The following CLIP2 variants were observed in gnomAD, a reference collection of about 807,000 sequenced individuals.
The protein encoded by CLIP2 is CAP-Gly domain-containing linker protein 2.
CLIP2 carries 41 observed loss-of-function variants against 111.7 expected under a neutral mutation model. The ratio of observed to expected loss-of-function variants is 0.37; its 90% CI spans 0.29 to 0.48. The LOEUF (loss-of-function observed/expected upper bound fraction) is 0.48, where lower values mean the gene tolerates loss of function less well. CLIP2 is among the 20% of genes least tolerant of loss of function. The probability of loss-of-function intolerance (pLI) is 0.99; values close to 1 mark genes in which losing one functional copy is unlikely to be tolerated. For synonymous variants in CLIP2, 660 were observed against 644.2 expected (o/e 1.02, Z -0.37); for missense variants, 1,160 against 1,422.1 (o/e 0.82, Z 2.96).
At chr7:74,398,180 G>A (rs1422018746) in intron 14 of CLIP2, among the ~76,000 whole-genome samples, 2 of 151,700 alleles carry the variant, frequency 1.3e-5, no homozygotes, top group East Asian at 2.0e-4. Flanking sequence ...CCAACATGGC[G>A]AAACCCCATC....
chr7:74,330,107 T>C (rs113416954), intron 2 of CLIP2, among the ~76,000 whole-genome samples: 122 of 151,654 alleles, frequency 8.0e-4, no homozygotes, highest in African/African-American at 2.8e-3. Context: ...TTTTTACTTT[T>C]TTGTAGAGAT....
intron 7 of CLIP2, among the ~76,000 whole-genome samples, chr7:74,360,696 G>A (rs376761782): frequency 2.3e-4 from 35 of 151,970 alleles, no homozygotes; most frequent in African/African-American, 8.2e-4. Flanking sequence ...GACCACAGGC[G>A]TCCCCCACCA....
chr7:74,355,409 A>C (rs1275468692), intron 4 of CLIP2, among the ~76,000 whole-genome samples: 5 of 152,170 alleles, frequency 3.3e-5, no homozygotes, highest in African/African-American at 1.2e-4. Flanking sequence ...CAGCAGTTAA[A>C]GACTAGTCTG....
rs893793967 is a variant in CLIP2 at position 74,363,359 on chromosome 7, C to T, written c.1320-896C>T. Among the ~76,000 whole-genome samples, 4 of 152,120 alleles carry T rather than the reference C, an allele frequency of 2.6e-5. 1 individual carries two copies. Among genetic ancestry groups the T allele is most frequent in the Middle Eastern group, 6.3e-3 (2 of 316 alleles). ...GGGGTGGGCCTGTGTCTCTCCCCTG[C>T]GCTGTCTTGACAGGTGTGTGACAGA... On this transcript the variant is annotated intron_variant, in intron 7 of 16. Coordinates refer to ENST00000223398, the MANE Select transcript of CLIP2 (RefSeq NM_003388.5).
Position 74,376,788 on chromosome 7 carries a change from C to G in CLIP2, c.2387C>G (p.Ala796Gly). Residue 796 changes from alanine (A) to glycine (G), a missense_variant, in exon 10 of 17, where the codon GCG becomes GGG. Transcript: ENST00000223398. This position sits in a 1 kb window ranked among gnomAD's most constrained non-coding sequence, Gnocchi z 7.1. Reference sequence around the variant, plus strand: ...CTGGTGGCTGAGAACAGACTCCAGGCGGTCGAGGCCCTGTGCTCCTCCCAG... The same window carrying G: ...CTGGTGGCTGAGAACAGACTCCAGGGGGTCGAGGCCCTGTGCTCCTCCCAG... ...KLLVAENRLQ[A>G]VEALCSSQHT... The G allele has an allele frequency of 6.2e-7, 1 of 1,606,970 alleles. No individual in the cohort carries two copies.
At chr7:74,383,129 A>G (rs1228999661) in intron 11 of CLIP2, among the ~76,000 whole-genome samples, 5 of 151,510 alleles carry the variant, frequency 3.3e-5, no homozygotes, top group East Asian at 1.9e-4. Context: ...TAAAAAATGT[A>G]TCCAGTGGTT....
chr7:74,311,422 AT>A (rs1386272863), intron 1 of CLIP2, among the ~76,000 whole-genome samples: 3 of 152,186 alleles, frequency 2.0e-5, no homozygotes, highest in African/African-American at 4.8e-5. Context: ...ATTTTTAGCC[AT>A]TTCCCTTGAT....
intron 7 of CLIP2, among the ~76,000 whole-genome samples, chr7:74,360,961 C>T (rs1481688383): frequency 2.0e-5 from 3 of 151,998 alleles, no homozygotes; most frequent in Non-Finnish European, 4.4e-5. Context: ...CACCAGGTGT[C>T]CCTGGGGAGC....
Position 74,386,560 on chromosome 7 carries a change from C to A in CLIP2, c.2519C>A (p.Thr840Lys). Residue 840 changes from threonine to lysine, a missense_variant, in exon 12 of 17, where the codon ACA becomes AAA. By Grantham distance (78) the Thr-to-Lys change is moderately conservative (BLOSUM62 -1). Around this residue, in one of 5 missense-constraint regions of CLIP2, gnomAD observed 676 missense variants for 777.8 expected, o/e 0.87. Coordinates refer to ENST00000223398, the MANE Select transcript of CLIP2 (RefSeq NM_003388.5). ...CTGAACAAGAGGGACAAAGAGGTGA[C>A]AGCCTTGACCTCCCAGACCGAGATG... is the stretch of plus-strand genomic sequence containing the variant. Reference protein sequence around the residue: ...DKLNKRDKEVTALTSQTEMLR... With the variant: ...DKLNKRDKEVKALTSQTEMLR... The A allele has an allele frequency of 6.2e-7, 1 of 1,611,172 alleles. No homozygotes were observed. The highest frequency in any genetic ancestry group is 8.5e-7 in the Non-Finnish European group (1 of 1,178,846).
intron 1 of CLIP2, among the ~76,000 whole-genome samples, chr7:74,293,699 A>G (rs1387174592): frequency 3.9e-5 from 6 of 152,220 alleles, no homozygotes; most frequent in South Asian, 2.1e-4. Context: ...CCCGTGGTCA[A>G]TTAGCCATTG....
intron 13 of CLIP2, among the ~76,000 whole-genome samples, chr7:74,394,491 C>G (rs1178639757): frequency 6.6e-6 from 1 of 152,162 alleles, no homozygotes; most frequent in Non-Finnish European, 1.5e-5. Context: ...CTCAGGTGAT[C>G]CACCTGCCTC....
chr7:74,299,006 A>G (rs946125313), intron 1 of CLIP2, among the ~76,000 whole-genome samples: 4 of 152,082 alleles, frequency 2.6e-5, no homozygotes, highest in African/African-American at 9.7e-5. Flanking sequence ...ACTAACATGC[A>G]GTTCCCTTTC....
At chr7:74,399,847 C>CT (rs1285650728) in intron 14 of CLIP2, among the ~76,000 whole-genome samples, 13 of 150,598 alleles carry the variant, frequency 8.6e-5, no homozygotes, top group Non-Finnish European at 1.5e-4. Flanking sequence ...GTCTCTGTCT[C>CT]TTTTTTTAAT....
intron 1 of CLIP2, among the ~76,000 whole-genome samples, chr7:74,305,640 T>C (rs891396817): frequency 2.6e-5 from 4 of 152,158 alleles, no homozygotes; most frequent in African/African-American, 9.7e-5. Flanking sequence ...ATTACAGGCA[T>C]GCGCCACCAC....
chr7:74,389,122 G>A lies in CLIP2; in HGVS notation c.2583G>A (p.Lys861=), dbSNP rs899864398. Reference sequence around the variant, plus strand: ...CCCCAGCGCTGGAGAGCAAGTGTAAGTCAGGCGAGAAGAAGGTGGACGCCC... The same window carrying A: ...CCCCAGCGCTGGAGAGCAAGTGTAAATCAGGCGAGAAGAAGGTGGACGCCC... ...AQVSALESKC[K]SGEKKVDALL... Residue 861 remains lysine (K), a synonymous_variant, in exon 13 of 17, where the codon AAG becomes AAA. Coordinates refer to ENST00000223398, the MANE Select transcript of CLIP2 (RefSeq NM_003388.5). 6.2e-7 allele frequency: 1 copy of A among 1,612,452 alleles called. No homozygotes were observed. The highest frequency in any genetic ancestry group is 2.2e-5 in the East Asian group (1 of 44,838).
At chr7:74,335,363 A>G in intron 2 of CLIP2, among the ~76,000 whole-genome samples, 1 of 146,286 alleles carries the variant, frequency 6.8e-6, no homozygotes, top group Non-Finnish European at 1.5e-5. Flanking sequence ...TTATTTTGTT[A>G]TATTTATTTT....
chr7:74,356,363 A>T (rs781869804), intron 4 of CLIP2, 47 bp from the exon 5 acceptor site: 1 of 1,541,388 alleles, frequency 6.5e-7, no homozygotes, highest in South Asian at 1.1e-5. Context: ...GAGGCTCTCC[A>T]GGCTTTGGGG....
At chr7:74,309,931 GCTCA>G (rs1253957314) in intron 1 of CLIP2, among the ~76,000 whole-genome samples, 4 of 151,320 alleles carry the variant, frequency 2.6e-5, no homozygotes, top group Non-Finnish European at 5.9e-5. Flanking sequence ...AGGCATGGTG[GCTCA>G]TACCTTTAAT....
In CLIP2 at chr7:74,389,191, G is replaced by C. The variant is rs782043983; in HGVS notation, c.2652G>C (p.Val884=). Residue 884 remains valine (V), a synonymous_variant, in exon 13 of 17, where the codon GTG becomes GTC. Coordinates refer to ENST00000223398, the MANE Select transcript of CLIP2 (RefSeq NM_003388.5). ...GCCTGGAGGCAGAGCTGGAGACCGT[G>C]TCCCGGAAGACCCATGACGCCTCGG... ...KRRLEAELET[V]SRKTHDASGQ... is the part of the protein sequence containing the mutation. 6.2e-7 allele frequency: 1 copy of C among 1,613,552 alleles called. No homozygotes were observed. The highest frequency in any genetic ancestry group is 1.7e-5 in the Admixed American group (1 of 59,958).
Sources: allele counts gnomAD v4.1 joint callset (sites outside exome capture counted in the v4.1 genomes callset), GRCh38; gene constraint gnomAD v4.1.1; regional missense constraint gnomAD v4.1.1; non-coding constraint Gnocchi (gnomAD v3.1); transcripts MANE v1.5; gene names NCBI Gene and HGNC (gene_info 2026-07-23, HGNC 2026-07-21).